Variants in AUTS2 observed in about 807,000 individuals in gnomAD.
AUTS2 encodes autism susceptibility gene 2 protein.
A neutral mutation model predicts 112.4 loss-of-function variants in AUTS2; 17 were observed. The ratio of observed to expected loss-of-function variants is 0.15; its 90% CI spans 0.10 to 0.23. The LOEUF (loss-of-function observed/expected upper bound fraction) is 0.23. AUTS2 is among the 10% of genes least tolerant of loss of function. The pLI is 1.00. For synonymous variants in AUTS2, 751 were observed against 702.7 expected (o/e 1.07, Z -1.09); for missense variants, 1,510 against 1,701.6 (o/e 0.89, Z 1.98).
chr7:69,900,987 AACGAGGGCTCAAAGAGATAAAGTG>A (rs1439280397), intron 2 of AUTS2, among the ~76,000 whole-genome samples: 1 of 152,232 alleles, frequency 6.6e-6, no homozygotes, highest in Non-Finnish European at 1.5e-5. Context: ...CAGCTATGGA[AACGAGGGCTCAAAGAGATAAAGTG>A]ACTTGTCTGA....
chr7:70,765,179 G>A (rs1789858648), intron 8 of AUTS2, among the ~76,000 whole-genome samples, 174 bp downstream of exon 8: 1 of 152,136 alleles, frequency 6.6e-6, no homozygotes, highest in South Asian at 2.1e-4. Context: ...ATACCTGTCA[G>A]CACCCATACT....
chr7:69,903,254 G>A (rs1435806904), intron 2 of AUTS2, among the ~76,000 whole-genome samples: 1 of 152,144 alleles, frequency 6.6e-6, no homozygotes, highest in Non-Finnish European at 1.5e-5. Context: ...GAAGTCAGGT[G>A]TCGCTAAACC....
At chr7:70,096,613 A>AAG (rs1252839327) in intron 2 of AUTS2, among the ~76,000 whole-genome samples, 1 of 151,182 alleles carries the variant, frequency 6.6e-6, no homozygotes, top group African/African-American at 2.4e-5. Flanking sequence ...AAAAAAAAAA[A>AAG]AAAGAAAAAA....
At chr7:70,249,580 A>C (rs1386352907) in intron 4 of AUTS2, among the ~76,000 whole-genome samples, 2 of 152,130 alleles carry the variant, frequency 1.3e-5, no homozygotes, top group African/African-American at 4.8e-5. Flanking sequence ...TGGTCTGCAG[A>C]ACACTCTTTG....
chr7:70,691,383 A>G (rs1304818703), intron 5 of AUTS2, among the ~76,000 whole-genome samples: 2 of 151,018 alleles, frequency 1.3e-5, no homozygotes, highest in African/African-American at 2.4e-5. Context: ...GCATCTTTAT[A>G]TTAAAACTCC....
chr7:69,600,703 A>G (rs979670125), intron 1 of AUTS2, among the ~76,000 whole-genome samples: 6 of 151,854 alleles, frequency 4.0e-5, no homozygotes, highest in African/African-American at 1.5e-4. Flanking sequence ...CTATACACAT[A>G]CATAGGCACA....
intron 1 of AUTS2, among the ~76,000 whole-genome samples, chr7:69,602,298 AT>A (rs999437726): frequency 6.6e-6 from 1 of 151,782 alleles, no homozygotes; most frequent in African/African-American, 2.4e-5. Flanking sequence ...TGCTCTGATT[AT>A]TTTTTTCTGC....
intron 2 of AUTS2, among the ~76,000 whole-genome samples, chr7:70,062,693 T>C (rs543537414): frequency 1.6e-4 from 25 of 152,308 alleles, no homozygotes; most frequent in African/African-American, 5.8e-4. Flanking sequence ...AAGCTCTTGG[T>C]TGGAATCTGT....
At chr7:70,470,478 C>T (rs1797336474) in intron 5 of AUTS2, among the ~76,000 whole-genome samples, 1 of 152,230 alleles carries the variant, frequency 6.6e-6, no homozygotes, top group Non-Finnish European at 1.5e-5. Context: ...AATTTGGCCA[C>T]AGCAGTTAGT....
intron 4 of AUTS2, among the ~76,000 whole-genome samples, chr7:70,313,697 C>T (rs1449074131): frequency 6.6e-6 from 1 of 152,190 alleles, no homozygotes; most frequent in African/African-American, 2.4e-5. Context: ...ACGGACCCGC[C>T]GGTTCCTACT....
chr7:69,815,849 G>C (rs1438724019), intron 1 of AUTS2, among the ~76,000 whole-genome samples: 1 of 152,174 alleles, frequency 6.6e-6, no homozygotes, highest in Admixed American at 6.5e-5. Flanking sequence ...ACACATTTCA[G>C]CTGCGCATAT....
intron 4 of AUTS2, among the ~76,000 whole-genome samples, chr7:70,236,717 TA>T (rs908174048): frequency 2.0e-5 from 3 of 152,210 alleles, no homozygotes; most frequent in African/African-American, 7.2e-5. Flanking sequence ...TGGCAAGTGC[TA>T]GGGGCTCACC....
intron 4 of AUTS2, among the ~76,000 whole-genome samples, chr7:70,248,877 C>T (rs1813066955): frequency 6.6e-6 from 1 of 152,288 alleles, no homozygotes; most frequent in Non-Finnish European, 1.5e-5. Flanking sequence ...GTTGTATACA[C>T]CCAGCAGATG....
chr7:70,420,057 C>A (rs751292412), intron 4 of AUTS2, among the ~76,000 whole-genome samples: 5 of 152,124 alleles, frequency 3.3e-5, no homozygotes, highest in Admixed American at 6.5e-5. Context: ...GGCTATGAGG[C>A]GGCTACTAAG....
intron 5 of AUTS2, chr7:70,695,040 A>C (rs1156447782): frequency 1.3e-5 from 2 of 152,090 alleles, no homozygotes; most frequent in African/African-American, 2.4e-5. Flanking sequence ...AACCCTTTGC[A>C]ACCAGGTAAT....
intron 1 of AUTS2, among the ~76,000 whole-genome samples, chr7:69,670,353 A>G (rs1427141385): frequency 6.6e-6 from 1 of 152,098 alleles, no homozygotes; most frequent in Non-Finnish European, 1.5e-5. Context: ...CTCAAACATT[A>G]AATTTGTAGC....
At chr7:70,454,541 T>G (rs936374472) in intron 5 of AUTS2, among the ~76,000 whole-genome samples, 3 of 151,708 alleles carry the variant, frequency 2.0e-5, no homozygotes, top group Non-Finnish European at 4.4e-5. Flanking sequence ...AAAAACTCCA[T>G]CTCAAAAACA....
chr7:69,994,287 C>T (rs563861984), intron 2 of AUTS2, among the ~76,000 whole-genome samples: 5 of 152,288 alleles, frequency 3.3e-5, no homozygotes, highest in African/African-American at 4.8e-5. Context: ...ACTTCATTAT[C>T]GTTACTATGC....
chr7:69,870,448 A>ATTATATATATATATATATATATATAT (rs1554395050), intron 1 of AUTS2, among the ~76,000 whole-genome samples: 1 of 78,962 alleles, frequency 1.3e-5, no homozygotes, highest in Non-Finnish European at 2.5e-5. Flanking sequence ...ATGTGTGTGT[A>ATTATATATATATATATATATATATAT]ATATATATAT....
Sources: gnomAD v4.1 joint callset for allele counts (sites outside exome capture counted in the v4.1 genomes callset) on GRCh38, gnomAD v4.1.1 for gene constraint, MANE v1.5 for transcripts, NCBI Gene and HGNC (gene_info 2026-07-23, HGNC 2026-07-21) for gene names.